EEF2K: variants seen among roughly 807,000 people sequenced by gnomAD.
The protein encoded by EEF2K is alternative protein EEF2K.
EEF2K carries 70 observed loss-of-function variants against 93.8 expected under a neutral mutation model. The ratio of observed to expected loss-of-function variants is 0.75; its 90% CI spans 0.62 to 0.91. EEF2K has a LOEUF of 0.91. EEF2K is among the 40% of genes least tolerant of loss of function. The pLI, the probability that EEF2K is intolerant of heterozygous loss-of-function variation, is 0.00. For missense variants in EEF2K, 935 were observed against 972.9 expected, an observed-to-expected ratio of 0.96 and a Z score of 0.52; for synonymous variants, 376 against 380.8, an observed-to-expected ratio of 0.99 and a Z score of 0.15.
chr16:22,248,659 G>T (rs2047318399), intron 3 of EEF2K, 96 bp from the exon 4 acceptor site: 2 of 1,486,050 alleles, frequency 1.3e-6, no homozygotes, highest in Non-Finnish European at 1.9e-6. Flanking sequence ...TGGTTCTGAG[G>T]TCAGTGGGGA....
chr16:22,219,525 A>T (rs1289601608), intron 1 of EEF2K, among the ~76,000 whole-genome samples: 1 of 152,202 alleles, frequency 6.6e-6, no homozygotes. Flanking sequence ...GCTACTCAGG[A>T]GGCTGAGGTA....
At chr16:22,211,233 C>G (rs768200402) in intron 1 of EEF2K, among the ~76,000 whole-genome samples, 4 of 152,126 alleles carry the variant, frequency 2.6e-5, no homozygotes, top group Non-Finnish European at 4.4e-5. Context: ...AGCTGAGGTT[C>G]AGAAGGTTAA....
chr16:22,245,371 GTCAT>G (rs555374705), intron 3 of EEF2K, among the ~76,000 whole-genome samples: 129 of 152,260 alleles, frequency 8.5e-4, no homozygotes, highest in African/African-American at 2.9e-3. Flanking sequence ...TCAAACCCAT[GTCAT>G]TCAAGCATCA....
chr16:22,225,716 G>A lies in EEF2K; in HGVS notation c.-14G>A. On this transcript the variant is annotated 5_prime_UTR_variant, in exon 2 of 18. Coordinates refer to ENST00000263026, the MANE Select transcript of EEF2K (RefSeq NM_013302.5). ...TGCCGGATACTGCTTGGGTAAAACG[G>A]GCACCCCAGGAACATGGCAGACGAA... 1 of 1,612,420 alleles carries A rather than the reference G, an allele frequency of 6.2e-7. No individual in the cohort carries two copies. The highest frequency in any genetic ancestry group is 8.5e-7 in the Non-Finnish European group (1 of 1,178,988).
chr16:22,262,307 T>A (rs1362325114), intron 11 of EEF2K, among the ~76,000 whole-genome samples: 1 of 151,974 alleles, frequency 6.6e-6, no homozygotes, highest in Non-Finnish European at 1.5e-5. Flanking sequence ...TTCAGGAGTT[T>A]GAGACCAGCC....
chr16:22,278,000 T>C (rs2047654896), intron 16 of EEF2K, among the ~76,000 whole-genome samples: 1 of 151,642 alleles, frequency 6.6e-6, no homozygotes, highest in South Asian at 2.1e-4. Context: ...AGTCCAGGAG[T>C]TCAAGACCAG....
chr16:22,242,106 C>T (rs1271616532), intron 2 of EEF2K, among the ~76,000 whole-genome samples: 1 of 152,044 alleles, frequency 6.6e-6, no homozygotes, highest in Non-Finnish European at 1.5e-5. Flanking sequence ...ATCACACTAC[C>T]ACCACGTAGC....
chr16:22,266,245 A>G, intron 13 of EEF2K, 145 bp from the exon 14 acceptor site: 1 of 1,242,638 alleles, frequency 8.0e-7, no homozygotes, highest in Non-Finnish European at 1.1e-6. Context: ...AATTGGAGCC[A>G]TGTTTTGCCA....
intron 12 of EEF2K, 60 bp from the exon 13 acceptor site, chr16:22,264,758 G>T: frequency 6.2e-7 from 1 of 1,600,474 alleles, no homozygotes; most frequent in South Asian, 1.1e-5. Flanking sequence ...CAGCTCTCAG[G>T]AGAGGTTCCT....
At chr16:22,209,046 T>C (rs1016504858) in intron 1 of EEF2K, among the ~76,000 whole-genome samples, 2 of 152,178 alleles carry the variant, frequency 1.3e-5, no homozygotes, top group African/African-American at 4.8e-5. Flanking sequence ...TTGTTGTTTT[T>C]GAGATGGAGT....
At chr16:22,260,221 T>C (rs1004542130) in intron 10 of EEF2K, among the ~76,000 whole-genome samples, 12 of 152,122 alleles carry the variant, frequency 7.9e-5, no homozygotes, top group African/African-American at 2.9e-4. Context: ...AGGACACACA[T>C]AGGTGACACC....
At chr16:22,248,305 C>T (rs978145055) in intron 3 of EEF2K, among the ~76,000 whole-genome samples, 1 of 152,028 alleles carries the variant, frequency 6.6e-6, no homozygotes, top group African/African-American at 2.4e-5. Flanking sequence ...CCTCATGATC[C>T]GCCTGCCCCA....
rs777737574 is a variant in EEF2K, at chr16:22,216,194, G to A, written c.-76-9460G>A. 3.9e-5 allele frequency among the ~76,000 whole-genome samples: 6 copies of A among 152,162 alleles called. No individual in the cohort carries two copies. The East Asian group carries it at 7.7e-4, about 20-fold the overall frequency. Reference sequence around the variant, plus strand: ...TTTGTTTCTTGTTTGAAGGAAACTCGGGACTCCAGCTAGGGTTTAAAATAT... The same window carrying A: ...TTTGTTTCTTGTTTGAAGGAAACTCAGGACTCCAGCTAGGGTTTAAAATAT... On this transcript the variant is annotated intron_variant, in intron 1 of 17. Coordinates refer to ENST00000263026, the MANE Select transcript of EEF2K (RefSeq NM_013302.5).
At chr16:22,263,073 G>A in intron 11 of EEF2K, 37 bp from the exon 12 acceptor site, 1 of 1,592,118 alleles carries the variant, frequency 6.3e-7, no homozygotes, top group Non-Finnish European at 8.6e-7. Context: ...GGTGCTCAGG[G>A]GACCACCAGG....
chr16:22,283,699 G>A (rs2047721492), intron 17 of EEF2K, among the ~76,000 whole-genome samples, 188 bp from the exon 18 acceptor site: 1 of 152,080 alleles, frequency 6.6e-6, no homozygotes, highest in African/African-American at 2.4e-5. Flanking sequence ...TGCTATTATT[G>A]GCTAGATTTT....
At chr16:22,227,340 C>T (rs1214735093) in intron 2 of EEF2K, among the ~76,000 whole-genome samples, 1 of 152,106 alleles carries the variant, frequency 6.6e-6, no homozygotes, top group Non-Finnish European at 1.5e-5. Context: ...TCTTGTGCCT[C>T]AGCCTCCTGA....
chr16:22,209,914 T>A (rs2046898798), intron 1 of EEF2K, among the ~76,000 whole-genome samples: 1 of 152,180 alleles, frequency 6.6e-6, no homozygotes, highest in Non-Finnish European at 1.5e-5. Context: ...TGCCTCAGCC[T>A]CCCAAGTAGC....
intron 2 of EEF2K, 95 bp from the exon 3 acceptor site, chr16:22,244,535 C>A (rs957436442): frequency 5.8e-6 from 7 of 1,199,776 alleles, no homozygotes; most frequent in African/African-American, 4.5e-5. Context: ...CTGTCTGCCT[C>A]TCCAGAGGAA....
At position 22,286,862 on chromosome 16, in the gene EEF2K, T is replaced by C. The variant is rs564424294; in HGVS notation, c.*2866T>C. The C allele has an allele frequency of 6.6e-6, 1 of 152,346 alleles. No homozygotes were observed. Among genetic ancestry groups the C allele is most frequent in the Admixed American group, 6.5e-5 (1 of 15,294 alleles). The allele number at this position is 152,346 out of a possible 1,614,324, so 9.4% of individuals were successfully genotyped here. On this transcript the variant is annotated 3_prime_UTR_variant, in exon 18 of 18. Transcript: ENST00000263026. ...GGCTCTGGTTCCTCCAAACAATGAT[T>C]CGTTGTCTGGATTGGCTGGAACTGT...
Sources: allele counts gnomAD v4.1 joint callset (sites outside exome capture counted in the v4.1 genomes callset), GRCh38; gene constraint gnomAD v4.1.1; transcripts MANE v1.5; gene names NCBI Gene and HGNC (gene_info 2026-07-23, HGNC 2026-07-21).